CSMD1: variants seen among roughly 807,000 people sequenced by gnomAD.
CSMD1 encodes the protein CUB and Sushi multiple domains 1, also known as CUB and sushi domain-containing protein 1.
Under a neutral mutation model 417.5 loss-of-function variants are expected in CSMD1, and 213 were observed. That is an observed-to-expected ratio of 0.51 (90% CI 0.46 to 0.57). The LOEUF is 0.57. Ranked by LOEUF, CSMD1 falls within the 20% of genes least tolerant of loss-of-function variation. CSMD1 has a pLI of 0.00. For synonymous variants in CSMD1, 2,862 were observed against 1,736.8 expected (o/e 1.65, Z -16.11); for missense variants, 6,923 against 4,529.7 (o/e 1.53, Z -15.17).
chr8:2,953,425 T>C (rs1376585198), intron 65 of CSMD1, among the ~76,000 whole-genome samples: 1 of 149,652 alleles, frequency 6.7e-6, no homozygotes, highest in East Asian at 2.0e-4. Context: ...ACTCTTTCCA[T>C]GTTTGATTCT....
At chr8:4,079,502 T>G in intron 3 of CSMD1, among the ~76,000 whole-genome samples, 1 of 152,358 alleles carries the variant, frequency 6.6e-6, no homozygotes, top group Middle Eastern at 3.4e-3. Flanking sequence ...ATTGTGCCTA[T>G]TGAAACAATG....
At chr8:3,971,510 G>A (rs544629684) in intron 5 of CSMD1, among the ~76,000 whole-genome samples, 19 of 152,102 alleles carry the variant, frequency 1.2e-4, no homozygotes, top group African/African-American at 3.1e-4. Flanking sequence ...CAGAACTCCC[G>A]AATCTATGAT....
chr8:4,433,559 A>T (rs1164691932), intron 2 of CSMD1, among the ~76,000 whole-genome samples: 1 of 152,158 alleles, frequency 6.6e-6, no homozygotes, highest in Non-Finnish European at 1.5e-5. Context: ...GGAAGCAGAC[A>T]TGTGCTGCAA....
At chr8:4,020,911 T>G (rs1214679152) in intron 4 of CSMD1, among the ~76,000 whole-genome samples, 1 of 152,220 alleles carries the variant, frequency 6.6e-6, no homozygotes, top group African/African-American at 2.4e-5. Flanking sequence ...CTTCAGCAAT[T>G]GCTGAAACTT....
Position 4,042,969 on chromosome 8 carries a change from T to C in CSMD1, c.416-10870A>G, listed in dbSNP as rs781039655. Among the ~76,000 whole-genome samples, 12 of 149,410 alleles carry C rather than the reference T, an allele frequency of 8.0e-5. 1 individual carries two copies. The Middle Eastern group carries it at 0.017, about 215-fold the overall frequency. ...AGCAAAAACCCACCTCTACTAAATA[T>C]GGGAAAAAAAAAATTAGCTGGGTGT... On this transcript the variant is annotated intron_variant, in intron 3 of 69. Transcript: ENST00000635120.
chr8:3,465,011 T>G (rs1185796741), intron 12 of CSMD1, among the ~76,000 whole-genome samples: 6 of 152,172 alleles, frequency 3.9e-5, no homozygotes, highest in Non-Finnish European at 7.3e-5. Context: ...ATAATACACA[T>G]GCTCATAAGT....
intron 2 of CSMD1, among the ~76,000 whole-genome samples, chr8:4,439,049 G>A (rs1798311969): frequency 6.6e-6 from 1 of 152,084 alleles, no homozygotes; most frequent in Non-Finnish European, 1.5e-5. Context: ...AGTAATCTTA[G>A]CTGATATAGG....
intron 1 of CSMD1, among the ~76,000 whole-genome samples, chr8:4,962,172 T>G (rs1236223092): frequency 6.7e-6 from 1 of 148,696 alleles, no homozygotes; most frequent in Non-Finnish European, 1.5e-5. Context: ...AACAATAATA[T>G]AAATGTAAAT....
At chr8:4,063,100 G>A (rs978480193) in intron 3 of CSMD1, among the ~76,000 whole-genome samples, 1 of 152,110 alleles carries the variant, frequency 6.6e-6, no homozygotes. Flanking sequence ...TGATAGCACT[G>A]TAAGTTGACT....
chr8:3,926,308 A>G (rs1336195341), intron 5 of CSMD1, among the ~76,000 whole-genome samples: 1 of 152,188 alleles, frequency 6.6e-6, no homozygotes, highest in African/African-American at 2.4e-5. Flanking sequence ...ATTTCTCCTT[A>G]TAACTTTTCA....
rs554531881 is a variant in CSMD1, at chr8:4,396,723, T to C, written c.415+23230A>G. ...ATAAAATGGAATGAAATCATGGCATTTGCAGCAACCTGGATGGAAATGGAG... is the reference window on the plus strand; with the variant it reads ...ATAAAATGGAATGAAATCATGGCATCTGCAGCAACCTGGATGGAAATGGAG... On this transcript the variant is annotated intron_variant, in intron 3 of 69. Coordinates refer to ENST00000635120, the MANE Select transcript of CSMD1 (RefSeq NM_033225.6). 5.9e-4 allele frequency among the ~76,000 whole-genome samples: 90 copies of C among 152,202 alleles called. 1 individual carries two copies. Among genetic ancestry groups the C allele is most frequent in the African/African-American group, 2.0e-3 (81 of 41,524 alleles).
chr8:3,022,649 A>C (rs577970947), intron 51 of CSMD1, among the ~76,000 whole-genome samples: 1 of 151,452 alleles, frequency 6.6e-6, no homozygotes, highest in South Asian at 2.1e-4. Context: ...ACATAAACTC[A>C]AGAGTAGGTC....
At chr8:3,160,680 T>C (rs544925855) in intron 38 of CSMD1, among the ~76,000 whole-genome samples, 1 of 152,362 alleles carries the variant, frequency 6.6e-6, no homozygotes, top group African/African-American at 2.4e-5. Context: ...GCTTTATACA[T>C]TGATACTGGT....
intron 1 of CSMD1, among the ~76,000 whole-genome samples, chr8:4,970,733 G>A (rs1291437300): frequency 1.3e-5 from 2 of 152,084 alleles, no homozygotes; most frequent in Non-Finnish European, 2.9e-5. Flanking sequence ...AAGAGCAAGT[G>A]TGCCTGCCGT....
chr8:4,283,968 C>T (rs1430292746), intron 3 of CSMD1, among the ~76,000 whole-genome samples: 2 of 152,178 alleles, frequency 1.3e-5, no homozygotes, highest in African/African-American at 4.8e-5. Context: ...GGTGGTGGCT[C>T]ACACTTGTAA....
chr8:3,428,442 T>G (rs987221532), intron 12 of CSMD1, among the ~76,000 whole-genome samples: 1 of 152,140 alleles, frequency 6.6e-6, no homozygotes, highest in African/African-American at 2.4e-5. Context: ...TCAAGAATAT[T>G]AAATCACCCC....
intron 3 of CSMD1, among the ~76,000 whole-genome samples, chr8:4,294,406 T>A (rs1257952695): frequency 6.6e-6 from 1 of 152,176 alleles, no homozygotes; most frequent in Admixed American, 6.5e-5. Context: ...TGATTGTACT[T>A]GAATAGCTAA....
Position 3,843,940 on chromosome 8 carries a change from T to C in CSMD1, c.819-89898A>G, listed in dbSNP as rs182891601. ...TTTCCATTGCATGCGCACAAGGTTA[T>C]CTGAGAACAATGATGAGGAACTCAG... On this transcript the variant is annotated intron_variant, in intron 5 of 69. Transcript: ENST00000635120. 7.0e-4 allele frequency among the ~76,000 whole-genome samples: 106 copies of C among 152,294 alleles called. 1 individual carries two copies. The highest frequency in any genetic ancestry group is 3.4e-3 in the Middle Eastern group (1 of 294).
In CSMD1 at chr8:4,021,653, C is replaced by T. The variant is rs192769058; in HGVS notation, c.610+10252G>A. 4.6e-5 allele frequency among the ~76,000 whole-genome samples: 7 copies of T among 152,288 alleles called. No individual in the cohort carries two copies. The East Asian group carries it at 7.7e-4, about 17-fold the overall frequency. On this transcript the variant is annotated intron_variant, in intron 4 of 69. Coordinates refer to ENST00000635120, the MANE Select transcript of CSMD1 (RefSeq NM_033225.6). ...CTTTTTAAACTCTCTCTCCCCATCC[C>T]TTTTCTCTTTTGGCGCATACCTGCG...
Sources: allele counts gnomAD v4.1 joint callset (sites outside exome capture counted in the v4.1 genomes callset), GRCh38; gene constraint gnomAD v4.1.1; transcripts MANE v1.5; gene names NCBI Gene and HGNC (gene_info 2026-07-23, HGNC 2026-07-21).